Variants in ASTN1 observed in about 807,000 individuals in gnomAD.
ASTN1 encodes astrotactin-1.
ASTN1 carries 41 observed loss-of-function variants against 140.7 expected under a neutral mutation model. The ratio of observed to expected loss-of-function variants is 0.29; its 90% CI spans 0.23 to 0.38. The LOEUF is 0.38. Among genes scored for constraint, ASTN1 ranks in the 10% least tolerant of loss-of-function variants. ASTN1 has a pLI of 1.00. For synonymous variants in ASTN1, 640 were observed against 652.2 expected (o/e 0.98, Z 0.29); for missense variants, 1,479 against 1,678.8 (o/e 0.88, Z 2.08).
Position 176,927,122 on chromosome 1 carries a change from C to A in ASTN1, c.2671+7030G>T, listed in dbSNP as rs1043484458. ...GATTTACCGCTGCTTAGAGCCTGAG[C>A]GTCACCTTAGAGGATGAACTCTCAG... On this transcript the variant is annotated intron_variant, in intron 16 of 22. Coordinates refer to ENST00000361833, the MANE Select transcript of ASTN1 (RefSeq NM_004319.3). Among the ~76,000 whole-genome samples, 7 of 152,242 alleles carry A rather than the reference C, an allele frequency of 4.6e-5. No homozygotes were observed. The South Asian group carries it at 1.2e-3, about 27-fold the overall frequency.
chr1:176,936,661 G>A (rs1250876963), intron 14 of ASTN1, among the ~76,000 whole-genome samples: 3 of 152,156 alleles, frequency 2.0e-5, no homozygotes, highest in Non-Finnish European at 4.4e-5. Flanking sequence ...GAGGCTCTAA[G>A]GCTGGCTATG....
intron 1 of ASTN1, among the ~76,000 whole-genome samples, chr1:177,068,550 G>A (rs974852281): frequency 6.6e-6 from 1 of 152,148 alleles, no homozygotes; most frequent in Admixed American, 6.6e-5. Context: ...GCACTGGACA[G>A]GAAGCCTGGA....
At chr1:177,028,932 G>A (rs990363790) in intron 5 of ASTN1, among the ~76,000 whole-genome samples, 1 of 152,166 alleles carries the variant, frequency 6.6e-6, no homozygotes, top group African/African-American at 2.4e-5. Flanking sequence ...TCCGAACTCC[G>A]CTGGTGTGGT....
At chr1:176,999,205 C>T (rs1674601326) in intron 8 of ASTN1, among the ~76,000 whole-genome samples, 1 of 152,172 alleles carries the variant, frequency 6.6e-6, no homozygotes, top group Non-Finnish European at 1.5e-5. Context: ...AAAATCTCAA[C>T]AGCTTTGCCT....
intron 1 of ASTN1, among the ~76,000 whole-genome samples, chr1:177,078,637 T>C (rs146808977): frequency 2.0e-5 from 3 of 152,332 alleles, no homozygotes; most frequent in African/African-American, 7.2e-5. Context: ...GATTTCTTCA[T>C]TATTGTAAAG....
chr1:176,981,696 G>A (rs1673628994), intron 8 of ASTN1: 4 of 152,752 alleles, frequency 2.6e-5, no homozygotes, highest in Admixed American at 2.6e-4. Context: ...TGACGATGAA[G>A]GAGAGAGAGG....
chr1:177,001,825 A>G (rs1674740886), intron 8 of ASTN1, among the ~76,000 whole-genome samples: 1 of 151,974 alleles, frequency 6.6e-6, no homozygotes, highest in Non-Finnish European at 1.5e-5. Context: ...TGTTAATTCA[A>G]CTCCTCATAG....
At position 176,934,314 on chromosome 1, in the gene ASTN1, C is replaced by G; in HGVS notation, c.2509G>C (p.Asp837His). ...AAATCTGCACGAGATGTAGCCCCAT[C>G]CAGCGAGTGGAGAGCATTGCTGAGG... is the stretch of plus-strand genomic sequence containing the variant. ...QALSNALHSL[D>H]GATSRADFVA... The change falls in exon 16 of 23, where the codon GAT becomes CAT. Residue 837 changes from aspartate (D) to histidine (H), a missense_variant. By Grantham distance (81) the Asp-to-His change is moderately conservative. Coordinates refer to ENST00000361833, the MANE Select transcript of ASTN1 (RefSeq NM_004319.3). The G allele has an allele frequency of 6.2e-7, 1 of 1,613,380 alleles. No homozygotes were observed. Among genetic ancestry groups the G allele is most frequent in the Non-Finnish European group, 8.5e-7 (1 of 1,179,424 alleles).
At chr1:176,886,938 C>T (rs79775899) in intron 18 of ASTN1, among the ~76,000 whole-genome samples, 8,566 of 152,250 alleles carry the variant, frequency 0.056, 817 homozygotes, top group African/African-American at 0.2. Flanking sequence ...ATGGCAGATG[C>T]CATATTAGAG....
intron 1 of ASTN1, among the ~76,000 whole-genome samples, chr1:177,148,846 C>T (rs1341363424): frequency 1.3e-5 from 2 of 151,690 alleles, no homozygotes; most frequent in African/African-American, 4.8e-5. Flanking sequence ...GCACACAGAA[C>T]TGTGACTGCT....
intron 8 of ASTN1, among the ~76,000 whole-genome samples, chr1:176,977,210 T>C (rs1414464931): frequency 6.6e-6 from 1 of 152,242 alleles, no homozygotes. Flanking sequence ...TTTATCCTTT[T>C]CCCAAAGTCT....
At chr1:177,095,778 G>A (rs770536706) in intron 1 of ASTN1, among the ~76,000 whole-genome samples, 13 of 152,126 alleles carry the variant, frequency 8.5e-5, no homozygotes, top group Admixed American at 2.0e-4. Flanking sequence ...GTGGAGCTAT[G>A]GGGCAGGGCC....
At chr1:176,980,145 T>C (rs942036454) in intron 8 of ASTN1, among the ~76,000 whole-genome samples, 2 of 151,734 alleles carry the variant, frequency 1.3e-5, no homozygotes, top group Non-Finnish European at 2.9e-5. Context: ...ATTGGAGAAA[T>C]TGAGGAGTTG....
chr1:176,921,600 A>G (rs1477806354), intron 16 of ASTN1, among the ~76,000 whole-genome samples: 1 of 152,234 alleles, frequency 6.6e-6, no homozygotes, highest in Non-Finnish European at 1.5e-5. Context: ...AATAACAATC[A>G]CTAATTGGAG....
intron 1 of ASTN1, among the ~76,000 whole-genome samples, chr1:177,098,618 T>A (rs1680155772): frequency 6.6e-6 from 1 of 151,814 alleles, no homozygotes; most frequent in Non-Finnish European, 1.5e-5. Context: ...GGAGAAACAC[T>A]AAGCATATGG....
chr1:177,158,824 G>A (rs1208181588), intron 1 of ASTN1, among the ~76,000 whole-genome samples: 1 of 151,328 alleles, frequency 6.6e-6, no homozygotes, highest in Non-Finnish European at 1.5e-5. Context: ...TTGGGAGGCC[G>A]AGGTGGGTGG....
At chr1:177,029,572 C>T in intron 5 of ASTN1, 62 bp downstream of exon 5, 1 of 1,538,056 alleles carries the variant, frequency 6.5e-7, no homozygotes, top group South Asian at 1.1e-5. Flanking sequence ...ACCTCTTCGC[C>T]TTCCCCCGCC....
chr1:177,057,898 G>GGTAT (rs1352934868), intron 2 of ASTN1, among the ~76,000 whole-genome samples: 1 of 152,084 alleles, frequency 6.6e-6, no homozygotes, highest in Non-Finnish European at 1.5e-5. Context: ...TCCTCCAAAG[G>GGTAT]GTATGGTATA....
chr1:177,057,403 A>G (rs1055694321), intron 2 of ASTN1, among the ~76,000 whole-genome samples: 1 of 152,204 alleles, frequency 6.6e-6, no homozygotes, highest in African/African-American at 2.4e-5. Context: ...AATTTCTTAT[A>G]TTTTGTGTTA....
Sources: gnomAD v4.1 joint callset for allele counts (sites outside exome capture counted in the v4.1 genomes callset) on GRCh38, gnomAD v4.1.1 for gene constraint, MANE v1.5 for transcripts, NCBI Gene and HGNC (gene_info 2026-07-23, HGNC 2026-07-21) for gene names.